Variants in AFF3 observed in about 807,000 individuals in gnomAD.
AFF3 encodes the protein AF4/FMR2 family member 3.
Under a neutral mutation model 129.7 loss-of-function variants are expected in AFF3, and 32 were observed. The ratio of observed to expected loss-of-function variants is 0.25; its 90% CI spans 0.19 to 0.33. The LOEUF is 0.33. AFF3 is among the 10% of genes least tolerant of loss of function. The pLI, the probability that AFF3 is intolerant of heterozygous loss-of-function variation, is 1.00. For missense variants in AFF3, 1,373 were observed against 1,592.0 expected, an observed-to-expected ratio of 0.86 and a Z score of 2.34; for synonymous variants, 644 against 635.4, an observed-to-expected ratio of 1.01 and a Z score of -0.20.
intron 4 of AFF3, among the ~76,000 whole-genome samples, chr2:100,047,450 C>A (rs773103643): frequency 9.2e-5 from 14 of 152,188 alleles, no homozygotes; most frequent in Non-Finnish European, 1.8e-4. Context: ...CTGAGTCTTA[C>A]AATTCTCAAA....
chr2:99,959,699 A>G, intron 7 of AFF3, among the ~76,000 whole-genome samples: 1 of 87,850 alleles, frequency 1.1e-5, no homozygotes, highest in Non-Finnish European at 2.3e-5. Flanking sequence ...TGTATAGCAT[A>G]TATATATATA....
At chr2:99,830,954 C>A (rs1688474263) in intron 8 of AFF3, among the ~76,000 whole-genome samples, 1 of 152,190 alleles carries the variant, frequency 6.6e-6, no homozygotes, top group Admixed American at 6.5e-5. Flanking sequence ...AGGCAGGCAC[C>A]AGCCCTGGCC....
intron 7 of AFF3, among the ~76,000 whole-genome samples, chr2:99,850,481 C>T (rs1020360844): frequency 1.3e-5 from 2 of 152,134 alleles, no homozygotes; most frequent in Non-Finnish European, 2.9e-5. Context: ...ATTCCAGACA[C>T]GGGAGTTTGA....
chr2:99,600,540 AT>A (rs1217080589), intron 14 of AFF3, among the ~76,000 whole-genome samples: 1 of 152,092 alleles, frequency 6.6e-6, no homozygotes, highest in Non-Finnish European at 1.5e-5. Flanking sequence ...GTTTAGTTCC[AT>A]TTCAGAGCCT....
chr2:99,867,933 G>C (rs945030427), intron 7 of AFF3, among the ~76,000 whole-genome samples: 1 of 152,174 alleles, frequency 6.6e-6, no homozygotes, highest in Non-Finnish European at 1.5e-5. Context: ...TGGGCGAGGC[G>C]GGCACGTGGA....
rs968207578 is a variant in AFF3 at position 99,550,428 on chromosome 2, A to T, written c.*1046T>A. ...AGCATTATCATGGCAAATAGCTCTCAGCCTGGTAAGCGAAGGATTCAGGCT... is the reference window on the plus strand; with the variant it reads ...AGCATTATCATGGCAAATAGCTCTCTGCCTGGTAAGCGAAGGATTCAGGCT... On this transcript the variant is annotated 3_prime_UTR_variant, in exon 25 of 25. Coordinates refer to ENST00000672756, the MANE Select transcript of AFF3 (RefSeq NM_001386135.1). 12 of 230,714 alleles carry T rather than the reference A, an allele frequency of 5.2e-5. No individual in the cohort carries two copies. The highest frequency in any genetic ancestry group is 9.4e-5 in the Non-Finnish European group (11 of 116,520). The allele number at this position is 230,714 out of a possible 1,614,324, so 14.3% of individuals were successfully genotyped here.
chr2:99,714,259 C>T (rs1166548268), intron 11 of AFF3, among the ~76,000 whole-genome samples: 1 of 152,188 alleles, frequency 6.6e-6, no homozygotes, highest in African/African-American at 2.4e-5. Flanking sequence ...AAAGCTGACT[C>T]CTTGGTAGGC....
At chr2:99,723,145 T>C (rs1265389840) in intron 11 of AFF3, among the ~76,000 whole-genome samples, 1 of 152,218 alleles carries the variant, frequency 6.6e-6, no homozygotes, top group Non-Finnish European at 1.5e-5. Flanking sequence ...GACATTTTAA[T>C]TTGTGCTTTT....
At chr2:99,764,580 G>A (rs944887261) in intron 8 of AFF3, among the ~76,000 whole-genome samples, 31 of 151,934 alleles carry the variant, frequency 2.0e-4, no homozygotes, top group Non-Finnish European at 1.2e-4. Flanking sequence ...GATCCACCTG[G>A]TTTTCAATGT....
At chr2:100,058,971 G>A (rs113397297) in intron 4 of AFF3, among the ~76,000 whole-genome samples, 4,232 of 152,130 alleles carry the variant, frequency 0.028, 163 homozygotes, top group African/African-American at 0.089. Flanking sequence ...AAACATTCTT[G>A]GCCAGGTGCA....
intron 7 of AFF3, among the ~76,000 whole-genome samples, chr2:99,995,004 A>G (rs1680707609): frequency 6.6e-6 from 1 of 152,228 alleles, no homozygotes; most frequent in Non-Finnish European, 1.5e-5. Flanking sequence ...TTGTGAGATC[A>G]GATGACACCA....
At chr2:99,755,764 C>A (rs1405849767) in intron 8 of AFF3, among the ~76,000 whole-genome samples, 3 of 152,208 alleles carry the variant, frequency 2.0e-5, no homozygotes, top group African/African-American at 7.2e-5. Flanking sequence ...CTACTCTGAG[C>A]CAGCTCATTC....
chr2:99,706,974 C>G (rs955731917), intron 11 of AFF3: 2 of 514,814 alleles, frequency 3.9e-6, no homozygotes, highest in African/African-American at 4.2e-5. Flanking sequence ...AGTTCCTCTC[C>G]TCTTTTATAG....
At chr2:100,091,317 T>C (rs2666328) in intron 4 of AFF3, among the ~76,000 whole-genome samples, 1 of 152,214 alleles carries the variant, frequency 6.6e-6, no homozygotes, top group African/African-American at 2.4e-5. Flanking sequence ...GGCCTAGATG[T>C]CTTTCCAAGG....
chr2:99,684,900 C>T (rs1342887949), intron 11 of AFF3, among the ~76,000 whole-genome samples: 1 of 151,414 alleles, frequency 6.6e-6, no homozygotes, highest in Non-Finnish European at 1.5e-5. Flanking sequence ...TAACTCTAAT[C>T]TCAAAAAAAC....
chr2:99,840,734 G>A (rs1308254303), intron 7 of AFF3, among the ~76,000 whole-genome samples: 1 of 152,126 alleles, frequency 6.6e-6, no homozygotes, highest in African/African-American at 2.4e-5. Context: ...CTGGATCAGA[G>A]AGCTCTTTTG....
chr2:99,750,123 T>A (rs2105188427), intron 9 of AFF3, among the ~76,000 whole-genome samples: 1 of 152,276 alleles, frequency 6.6e-6, no homozygotes, highest in African/African-American at 2.4e-5. Context: ...ACTTTGCTAG[T>A]GTAAAAGCAC....
chr2:99,755,990 T>C (rs1045327631), intron 8 of AFF3, among the ~76,000 whole-genome samples: 1 of 152,216 alleles, frequency 6.6e-6, no homozygotes, highest in Non-Finnish European at 1.5e-5. Flanking sequence ...GATTCTATAC[T>C]TGGGCTCCTT....
chr2:99,878,220 GAAGAAAA>G (rs1692442835), intron 7 of AFF3, among the ~76,000 whole-genome samples: 1 of 152,224 alleles, frequency 6.6e-6, no homozygotes, highest in Non-Finnish European at 1.5e-5. Context: ...TTTGAGTTGT[GAAGAAAA>G]ATCCAGGCAG....
Sources: allele counts gnomAD v4.1 joint callset (sites outside exome capture counted in the v4.1 genomes callset), GRCh38; gene constraint gnomAD v4.1.1; transcripts MANE v1.5; gene names NCBI Gene and HGNC (gene_info 2026-07-23, HGNC 2026-07-21).